Variants in ADRA1B observed in about 807,000 individuals in gnomAD.
ADRA1B encodes the protein alpha-1B adrenergic receptor.
A neutral mutation model predicts 17.9 loss-of-function variants in ADRA1B; 17 were observed. The observed-to-expected ratio is 0.95, with a 90% CI of 0.65 to 1.42. The LOEUF is 1.42. ADRA1B is among the 40% of genes most tolerant of loss of function. The probability of loss-of-function intolerance (pLI) is 0.00; values close to 1 mark genes in which losing one functional copy is unlikely to be tolerated. For missense variants in ADRA1B, 681 were observed against 722.1 expected (o/e 0.94, Z 0.65); for synonymous variants, 366 against 327.6 (o/e 1.12, Z -1.27).
chr5:159,982,577 G>A, the ADRA1B span, among the ~76,000 whole-genome samples: 31 of 152,198 alleles, frequency 2.0e-4, no homozygotes, highest in Admixed American at 3.3e-4. Flanking sequence ...ATGGTTTCTA[G>A]GTGGCAGAGC....
chr5:159,899,263 A>AAAGGAAGGAAGGAAGGAAAG (rs1754070641), intron 1 of ADRA1B, among the ~76,000 whole-genome samples: 1 of 106,412 alleles, frequency 9.4e-6, no homozygotes, highest in Non-Finnish European at 1.9e-5. Flanking sequence ...AGGAAGGAAG[A>AAAGGAAGGAAGGAAGGAAAG]AAGGAAGGAA....
chr5:159,892,067 C>T (rs560064158), intron 1 of ADRA1B, among the ~76,000 whole-genome samples: 93 of 152,212 alleles, frequency 6.1e-4, no homozygotes, highest in African/African-American at 2.1e-3. Flanking sequence ...TGAAACCCCA[C>T]CTCTACTAAA....
At chr5:159,983,440 G>A in the ADRA1B span, among the ~76,000 whole-genome samples, 13 of 152,250 alleles carry the variant, frequency 8.5e-5, no homozygotes, top group Middle Eastern at 6.8e-3. Flanking sequence ...CTGGCACCAC[G>A]GTCTCTCACT....
At chr5:159,973,864 A>G (rs1755932502), downstream of ADRA1B, among the ~76,000 whole-genome samples, 1 of 152,224 alleles carries the variant, frequency 6.6e-6, no homozygotes, top group Non-Finnish European at 1.5e-5. Context: ...CCTAGTTTGA[A>G]AAGAGAATAA....
downstream of ADRA1B, among the ~76,000 whole-genome samples, chr5:159,976,954 G>T (rs1278251309): frequency 4.6e-5 from 7 of 152,274 alleles, no homozygotes. Context: ...TGGGGATGCA[G>T]TTAGCACCTA....
At chr5:159,917,968 C>T (rs1754376665) in intron 1 of ADRA1B, 114 bp downstream of exon 1, 9 of 939,484 alleles carry the variant, frequency 9.6e-6, no homozygotes, top group East Asian at 4.8e-5. Context: ...TGTGCGTGTT[C>T]GGAGATTGAA....
At chr5:159,926,790 G>C (rs1222758630) in intron 1 of ADRA1B, among the ~76,000 whole-genome samples, 3 of 152,276 alleles carry the variant, frequency 2.0e-5, no homozygotes, top group East Asian at 3.9e-4. Flanking sequence ...GGGAGGCTGA[G>C]GGAGGAGAAT....
intron 1 of ADRA1B, among the ~76,000 whole-genome samples, chr5:159,935,258 T>A (rs1374568095): frequency 2.0e-5 from 3 of 152,188 alleles, no homozygotes; most frequent in Non-Finnish European, 4.4e-5. Flanking sequence ...GTCAAAAATA[T>A]CAGATGACTT....
intron 1 of ADRA1B, among the ~76,000 whole-genome samples, chr5:159,945,366 A>G (rs1007304339): frequency 2.6e-5 from 4 of 152,212 alleles, no homozygotes; most frequent in African/African-American, 9.6e-5. Context: ...ATTAATAAAT[A>G]AATAAAAATA....
chr5:159,953,054 G>A (rs13182607), intron 1 of ADRA1B, among the ~76,000 whole-genome samples: 9,070 of 152,096 alleles, frequency 0.06, 342 homozygotes, highest in Non-Finnish European at 0.078. Context: ...TTATAGGAAC[G>A]TTCTTTGAAA....
chr5:159,949,773 G>A (rs1460007349), intron 1 of ADRA1B, among the ~76,000 whole-genome samples: 2 of 152,216 alleles, frequency 1.3e-5, no homozygotes, highest in African/African-American at 2.4e-5. Context: ...GGACCGGCCG[G>A]CACCAGCCTG....
intron 1 of ADRA1B, among the ~76,000 whole-genome samples, chr5:159,884,776 T>C (rs997566554): frequency 6.6e-6 from 1 of 152,160 alleles, no homozygotes; most frequent in Non-Finnish European, 1.5e-5. Flanking sequence ...AATGTTCAGA[T>C]CTACCACCCT....
intron 1 of ADRA1B, among the ~76,000 whole-genome samples, chr5:159,938,908 G>C (rs1034873026): frequency 3.9e-5 from 6 of 152,100 alleles, no homozygotes; most frequent in African/African-American, 1.2e-4. Flanking sequence ...CTAAATTTGG[G>C]GGCAGCCAGT....
chr5:159,974,071 GAAA>G (rs1388821173), downstream of ADRA1B, among the ~76,000 whole-genome samples: 2 of 152,018 alleles, frequency 1.3e-5, no homozygotes, highest in African/African-American at 2.4e-5. Context: ...GATTGAGAGA[GAAA>G]ATACTTAAAG....
chr5:159,943,442 C>A (rs757594143), intron 1 of ADRA1B, among the ~76,000 whole-genome samples: 2 of 152,148 alleles, frequency 1.3e-5, no homozygotes, highest in Non-Finnish European at 2.9e-5. Context: ...AGTAAACCCA[C>A]GGGGCCAGTT....
At chr5:159,942,136 A>T (rs1293846860) in intron 1 of ADRA1B, among the ~76,000 whole-genome samples, 1 of 151,870 alleles carries the variant, frequency 6.6e-6, no homozygotes, top group African/African-American at 2.4e-5. Flanking sequence ...GTTAGCCAGG[A>T]TGGTCTTGAT....
intron 1 of ADRA1B, among the ~76,000 whole-genome samples, chr5:159,943,941 AAC>A (rs1323571329): frequency 4.1e-5 from 5 of 121,844 alleles, no homozygotes; most frequent in East Asian, 2.4e-4. Context: ...CACACACACA[AAC>A]ACACACACAC....
At chr5:159,915,314 T>C (rs1417386167), upstream of ADRA1B, among the ~76,000 whole-genome samples, 1 of 152,166 alleles carries the variant, frequency 6.6e-6, no homozygotes, top group Admixed American at 6.5e-5. Flanking sequence ...GTCTCATCCA[T>C]GAAATAGAAA....
intron 1 of ADRA1B, chr5:159,868,059 A>G (rs78060636): frequency 0.011 from 1,721 of 152,332 alleles, 32 homozygotes; most frequent in African/African-American, 0.039. Flanking sequence ...CCAACTTACC[A>G]TGTAATTTTA....
Sources: gnomAD v4.1 joint callset for allele counts (sites outside exome capture counted in the v4.1 genomes callset) on GRCh38, gnomAD v4.1.1 for gene constraint, MANE v1.5 for transcripts, NCBI Gene and HGNC (gene_info 2026-07-23, HGNC 2026-07-21) for gene names.